The following ANK1 variants were observed in gnomAD, a reference collection of about 807,000 sequenced individuals.
ANK1 encodes ankyrin 1, also known as ankyrin-1.
In ANK1, 51 loss-of-function variants were observed where a neutral mutation model predicts 210.4. The ratio of observed to expected loss-of-function variants is 0.24; its 90% CI spans 0.19 to 0.31. The LOEUF (loss-of-function observed/expected upper bound fraction) is 0.31, where lower values mean the gene tolerates loss of function less well. Among genes scored for constraint, ANK1 ranks in the 10% least tolerant of loss-of-function variants. The probability of loss-of-function intolerance (pLI) is 1.00; values close to 1 mark genes in which losing one functional copy is unlikely to be tolerated. For synonymous variants in ANK1, 967 were observed against 1,025.9 expected (o/e 0.94, Z 1.10); for missense variants, 2,051 against 2,504.4 (o/e 0.82, Z 3.86).
intron 1 of ANK1, among the ~76,000 whole-genome samples, chr8:41,822,092 G>A (rs1216679606): frequency 0.031 from 1,617 of 51,610 alleles, 76 homozygotes; most frequent in African/African-American, 0.11. Context: ...GAGAGAGAGA[G>A]AGAGAGAGAG....
intron 1 of ANK1, among the ~76,000 whole-genome samples, chr8:41,789,694 G>C (rs1034350596): frequency 4.6e-5 from 7 of 152,200 alleles, no homozygotes; most frequent in African/African-American, 1.7e-4. Flanking sequence ...CTATATTAGA[G>C]AGTTAGGAGA....
At chr8:41,802,995 G>GAGAAAGAGGGAAAGAA (rs1242596948) in intron 1 of ANK1, among the ~76,000 whole-genome samples, 1 of 57,492 alleles carries the variant, frequency 1.7e-5, no homozygotes, top group Admixed American at 2.1e-4. Context: ...GAGAGAAAGA[G>GAGAAAGAGGGAAAGAA]AGAAAGAAAG....
chr8:41,766,607 A>C (rs1403683024), intron 1 of ANK1, among the ~76,000 whole-genome samples: 1 of 152,064 alleles, frequency 6.6e-6, no homozygotes, highest in Non-Finnish European at 1.5e-5. Flanking sequence ...TCTGCACCCG[A>C]CCCTGGAGGC....
At chr8:41,799,758 C>T (rs148244772), upstream of ANK1, among the ~76,000 whole-genome samples, 275 of 152,260 alleles carry the variant, frequency 1.8e-3, 1 homozygote, top group Non-Finnish European at 2.5e-3. Flanking sequence ...ACACAAGGCT[C>T]CTCTCCCTTG....
intron 1 of ANK1, among the ~76,000 whole-genome samples, chr8:41,859,702 G>A (rs966941239): frequency 1.3e-5 from 2 of 152,214 alleles, no homozygotes; most frequent in African/African-American, 4.8e-5. Context: ...CTTATTGATT[G>A]ATTGATTTCT....
intron 26 of ANK1, 21 bp downstream of exon 26, chr8:41,696,342 G>T: frequency 6.2e-7 from 1 of 1,611,868 alleles, no homozygotes; most frequent in Non-Finnish European, 8.5e-7. Flanking sequence ...GGGAGAACAC[G>T]GGCTGCCCGC....
At chr8:41,807,956 G>A (rs1345627402) in intron 1 of ANK1, among the ~76,000 whole-genome samples, 1 of 146,136 alleles carries the variant, frequency 6.8e-6, no homozygotes, top group Non-Finnish European at 1.5e-5. Context: ...AGGAGGAGGG[G>A]AAGAGGAGGA....
At chr8:41,774,224 T>C (rs1457180505) in intron 1 of ANK1, among the ~76,000 whole-genome samples, 2 of 152,130 alleles carry the variant, frequency 1.3e-5, no homozygotes, top group African/African-American at 2.4e-5. Flanking sequence ...GAGCAGAACA[T>C]GATGCAGTTT....
chr8:41,800,350 G>C (rs548874175), upstream of ANK1, among the ~76,000 whole-genome samples: 1 of 152,278 alleles, frequency 6.6e-6, no homozygotes, highest in African/African-American at 2.4e-5. Flanking sequence ...GGAGGCACGG[G>C]GAGATTAAGA....
At chr8:41,665,038 C>A in intron 39 of ANK1, 1 of 1,612,114 alleles carries the variant, frequency 6.2e-7, no homozygotes, top group East Asian at 2.2e-5. Flanking sequence ...GCCTCCTCAC[C>A]AGCCCGGTCC....
intron 1 of ANK1, among the ~76,000 whole-genome samples, chr8:41,858,329 C>T (rs1001183208): frequency 7.1e-6 from 1 of 141,180 alleles, no homozygotes; most frequent in Non-Finnish European, 1.5e-5. Flanking sequence ...GCCTGGGTGA[C>T]GGAGTGACTC....
At chr8:41,701,482 A>AAGCC in intron 22 of ANK1, 68 bp downstream of exon 22, 1 of 1,462,354 alleles carries the variant, frequency 6.8e-7, no homozygotes, top group Non-Finnish European at 9.6e-7. Context: ...AGGTGGCAGG[A>AAGCC]AGCCCCCTTG....
At chr8:41,720,747 G>A (rs1768088301) in intron 9 of ANK1, among the ~76,000 whole-genome samples, 1 of 152,128 alleles carries the variant, frequency 6.6e-6, no homozygotes, top group Admixed American at 6.5e-5. Flanking sequence ...CCTGAGCTAG[G>A]ACTTGAAAGG....
At chr8:41,728,411 C>T (rs889550696) in intron 3 of ANK1, among the ~76,000 whole-genome samples, 2 of 152,166 alleles carry the variant, frequency 1.3e-5, no homozygotes, top group African/African-American at 4.8e-5. Flanking sequence ...ACACTGAAGA[C>T]TCAGAGGGTG....
upstream of ANK1, among the ~76,000 whole-genome samples, chr8:41,799,062 G>A (rs1052691064): frequency 2.0e-5 from 3 of 152,264 alleles, no homozygotes; most frequent in African/African-American, 7.2e-5. Context: ...AGCTGACAGA[G>A]TTCTAGGCCA....
At chr8:41,836,948 A>C (rs1428604777) in intron 1 of ANK1, among the ~76,000 whole-genome samples, 1 of 148,148 alleles carries the variant, frequency 6.8e-6, no homozygotes, top group African/African-American at 2.5e-5. Context: ...AAACAAAAGG[A>C]GGGTAAGAGG....
At chr8:41,700,323 T>C (rs1822389723) in intron 22 of ANK1, 1 of 1,246,014 alleles carries the variant, frequency 8.0e-7, no homozygotes, top group East Asian at 2.4e-5. Context: ...GCTTATTAGC[T>C]GTCAGAGGAA....
chr8:41,676,819 G>T (rs1291473553), intron 37 of ANK1, among the ~76,000 whole-genome samples: 1 of 152,112 alleles, frequency 6.6e-6, no homozygotes, highest in Admixed American at 6.6e-5. Flanking sequence ...AATGATATTG[G>T]TTTGCAGTTT....
intron 1 of ANK1, among the ~76,000 whole-genome samples, chr8:41,866,323 G>A (rs146845612): frequency 6.6e-6 from 1 of 152,296 alleles, no homozygotes; most frequent in African/African-American, 2.4e-5. Context: ...CCGGGTAGCT[G>A]AGACCACAGG....
Sources: allele counts gnomAD v4.1 joint callset (sites outside exome capture counted in the v4.1 genomes callset), GRCh38; gene constraint gnomAD v4.1.1; transcripts MANE v1.5; gene names NCBI Gene and HGNC (gene_info 2026-07-23, HGNC 2026-07-21).